Variants in RAD51B observed in about 807,000 individuals in gnomAD.
The protein encoded by RAD51B is RAD51 paralog B, also known as DNA repair protein RAD51 homolog 2.
RAD51B carries 38 observed loss-of-function variants against 42.2 expected under a neutral mutation model. That is an observed-to-expected ratio of 0.90 (90% CI 0.70 to 1.18). RAD51B has a LOEUF of 1.18. Ranked by LOEUF, RAD51B falls within the 50% of genes most tolerant of loss-of-function variation. RAD51B has a pLI of 0.00. For missense variants in RAD51B, 373 were observed against 400.7 expected (o/e 0.93, Z 0.59); for synonymous variants, 154 against 145.2 (o/e 1.06, Z -0.43).
intron 10 of RAD51B, among the ~76,000 whole-genome samples, chr14:68,505,772 C>T (rs1431770968): frequency 3.9e-5 from 6 of 152,008 alleles, no homozygotes; most frequent in African/African-American, 4.8e-5. Flanking sequence ...AGACTGGTCT[C>T]GAACTCCCAA....
chr14:68,303,280 A>G (rs2081784341), intron 8 of RAD51B, among the ~76,000 whole-genome samples: 2 of 152,124 alleles, frequency 1.3e-5, no homozygotes, highest in Admixed American at 1.3e-4. Flanking sequence ...ATGAGAACAC[A>G]TGGACACGGG....
intron 9 of RAD51B, among the ~76,000 whole-genome samples, chr14:68,429,389 T>G (rs1340390415): frequency 6.6e-6 from 1 of 152,328 alleles, no homozygotes; most frequent in Non-Finnish European, 1.5e-5. Flanking sequence ...AAAGTGTTCC[T>G]ATTTCTCCAC....
intron 9 of RAD51B, among the ~76,000 whole-genome samples, chr14:68,455,576 C>T (rs1296428225): frequency 6.6e-6 from 1 of 151,920 alleles, no homozygotes; most frequent in African/African-American, 2.4e-5. Context: ...AAAAATTAGC[C>T]AGACGTGGTG....
At chr14:68,042,430 C>G (rs1367748464) in intron 7 of RAD51B, among the ~76,000 whole-genome samples, 1 of 152,120 alleles carries the variant, frequency 6.6e-6, no homozygotes, top group Non-Finnish European at 1.5e-5. Context: ...AAGCAAGGAA[C>G]AAAGAGGAAT....
At chr14:68,585,591 C>T (rs752471528) in intron 10 of RAD51B, among the ~76,000 whole-genome samples, 5 of 152,202 alleles carry the variant, frequency 3.3e-5, no homozygotes, top group Non-Finnish European at 7.3e-5. Context: ...GACAGGATGA[C>T]CTGTCCCAGG....
At chr14:68,179,953 CACAGATGGTAGAA>C (rs1028163703) in intron 7 of RAD51B, among the ~76,000 whole-genome samples, 40 of 152,152 alleles carry the variant, frequency 2.6e-4, no homozygotes, top group African/African-American at 9.7e-4. Flanking sequence ...TTGGGTCTTG[CACAGATGGTAGAA>C]ACAGATGGTA....
At chr14:68,666,603 TA>T (rs1252421392) in intron 11 of RAD51B, among the ~76,000 whole-genome samples, 1 of 152,208 alleles carries the variant, frequency 6.6e-6, no homozygotes, top group Non-Finnish European at 1.5e-5. Context: ...ATGAAATTAT[TA>T]AACAACCAGA....
At chr14:68,480,490 A>T (rs1323972068), downstream of RAD51B, among the ~76,000 whole-genome samples, 1 of 152,104 alleles carries the variant, frequency 6.6e-6, no homozygotes, top group African/African-American at 2.4e-5. Context: ...TGACTGAGAC[A>T]CCCCACTCAT....
At chr14:68,251,461 A>C (rs1288471103) in intron 7 of RAD51B, among the ~76,000 whole-genome samples, 2 of 152,206 alleles carry the variant, frequency 1.3e-5, no homozygotes, top group African/African-American at 2.4e-5. Context: ...AAACAACTTG[A>C]AACCTGTTAA....
At chr14:68,157,630 T>G (rs2078541306) in intron 7 of RAD51B, among the ~76,000 whole-genome samples, 1 of 152,206 alleles carries the variant, frequency 6.6e-6, no homozygotes, top group Non-Finnish European at 1.5e-5. Context: ...TCACTGTCCT[T>G]TCTATTATAT....
intron 7 of RAD51B, among the ~76,000 whole-genome samples, chr14:67,967,071 G>T (rs535170819): frequency 6.6e-6 from 1 of 152,248 alleles, no homozygotes; most frequent in African/African-American, 2.4e-5. Context: ...GAGGCGAAAG[G>T]CACTTCTTCC....
intron 8 of RAD51B, among the ~76,000 whole-genome samples, chr14:68,303,006 G>A (rs1026127586): frequency 1.3e-5 from 2 of 152,204 alleles, no homozygotes; most frequent in Non-Finnish European, 2.9e-5. Flanking sequence ...ATTTTGGGGG[G>A]CTTGCTCCCA....
chr14:68,453,167 G>A (rs750113834), intron 9 of RAD51B, among the ~76,000 whole-genome samples: 7 of 152,198 alleles, frequency 4.6e-5, no homozygotes, highest in Non-Finnish European at 1.0e-4. Flanking sequence ...AAGAGTGCCT[G>A]CACTTTAATG....
chr14:68,231,689 A>G (rs2140983671), intron 7 of RAD51B, among the ~76,000 whole-genome samples: 1 of 152,354 alleles, frequency 6.6e-6, no homozygotes, highest in East Asian at 1.9e-4. Context: ...TATATATGAG[A>G]CATGTGACCA....
intron 11 of RAD51B, among the ~76,000 whole-genome samples, chr14:68,654,158 C>A (rs1892760826): frequency 6.6e-6 from 1 of 152,212 alleles, no homozygotes; most frequent in African/African-American, 2.4e-5. Flanking sequence ...ACAGAAGGGG[C>A]AGGATTTGAA....
chr14:68,039,959 C>T (rs987130388), intron 7 of RAD51B, among the ~76,000 whole-genome samples: 6 of 152,152 alleles, frequency 3.9e-5, no homozygotes, highest in Non-Finnish European at 5.9e-5. Context: ...ATAGCTTTTC[C>T]TTTCCTTGGG....
intron 7 of RAD51B, among the ~76,000 whole-genome samples, chr14:68,162,521 C>T (rs552077148): frequency 1.1e-4 from 17 of 152,322 alleles, no homozygotes; most frequent in African/African-American, 3.8e-4. Context: ...CGTAGTGGCT[C>T]ACGCCAGTAA....
At chr14:67,998,525 A>G (rs2075425301) in intron 7 of RAD51B, among the ~76,000 whole-genome samples, 1 of 152,224 alleles carries the variant, frequency 6.6e-6, no homozygotes, top group South Asian at 2.1e-4. Context: ...TACAAATAGA[A>G]TGATGTATTT....
At chr14:68,018,480 C>G (rs1028717508) in intron 7 of RAD51B, among the ~76,000 whole-genome samples, 7 of 152,156 alleles carry the variant, frequency 4.6e-5, no homozygotes, top group African/African-American at 1.7e-4. Flanking sequence ...ATATCTGTTA[C>G]CACTCTATTT....
Sources: gnomAD v4.1 joint callset for allele counts (sites outside exome capture counted in the v4.1 genomes callset) on GRCh38, gnomAD v4.1.1 for gene constraint, MANE v1.5 for transcripts, NCBI Gene and HGNC (gene_info 2026-07-23, HGNC 2026-07-21) for gene names.